MATN2: variants seen among roughly 807,000 people sequenced by gnomAD.
MATN2 encodes the protein matrilin 2.
Under a neutral mutation model 103.2 loss-of-function variants are expected in MATN2, and 69 were observed. The ratio of observed to expected loss-of-function variants is 0.67; its 90% confidence interval spans 0.55 to 0.82. The LOEUF (loss-of-function observed/expected upper bound fraction) is 0.82. MATN2 is among the 40% of genes least tolerant of loss of function. The probability of loss-of-function intolerance (pLI) is 0.00; values close to 1 mark genes in which losing one functional copy is unlikely to be tolerated. For synonymous variants in MATN2, 429 were observed against 450.2 expected (o/e 0.95, Z 0.60); for missense variants, 1,023 against 1,211.5 (o/e 0.84, Z 2.31).
At chr8:98,000,939 G>C (rs1167923989) in intron 7 of MATN2, among the ~76,000 whole-genome samples, 1 of 152,204 alleles carries the variant, frequency 6.6e-6, no homozygotes, top group African/African-American at 2.4e-5. Flanking sequence ...GGTCACAAAA[G>C]ATGACAAAAT....
intron 18 of MATN2, chr8:98,034,233 A>C: frequency 2.2e-6 from 1 of 454,940 alleles, no homozygotes; most frequent in Non-Finnish European, 4.4e-6. Context: ...GAACAGCAGG[A>C]TCCAATGATT....
rs191976899 is a variant in MATN2 at position 97,974,171 on chromosome 8, G to A, written c.959-4715G>A. ...TTTATTTATTTTGAGACAGAATTTC[G>A]CTTGTTGCCCAGGCTGGAGTGCAGT... On this transcript the variant is annotated intron_variant, in intron 5 of 18. Coordinates refer to ENST00000254898, the MANE Select transcript of MATN2 (RefSeq NM_002380.5). Among the ~76,000 whole-genome samples the A allele has an allele frequency of 2.4e-3, 364 of 151,388 alleles. 3 individuals carry two copies. Among genetic ancestry groups the A allele is most frequent in the African/African-American group, 7.2e-3 (299 of 41,258 alleles).
intron 6 of MATN2, among the ~76,000 whole-genome samples, chr8:97,983,619 G>A (rs1700211913): frequency 6.6e-6 from 1 of 152,144 alleles, no homozygotes; most frequent in Admixed American, 6.5e-5. Context: ...GATGAATAAA[G>A]GCAATTGCGG....
At chr8:97,974,603 C>G (rs1044923882) in intron 5 of MATN2, among the ~76,000 whole-genome samples, 1 of 151,298 alleles carries the variant, frequency 6.6e-6, no homozygotes, top group Non-Finnish European at 1.5e-5. Flanking sequence ...CCTGCCACCA[C>G]GCCCAGCTAC....
At chr8:98,034,570 C>T (rs966998925) in intron 18 of MATN2, among the ~76,000 whole-genome samples, 1 of 152,158 alleles carries the variant, frequency 6.6e-6, no homozygotes, top group Non-Finnish European at 1.5e-5. Flanking sequence ...ATTCTGCCCT[C>T]AAGAGGGCAG....
intron 7 of MATN2, among the ~76,000 whole-genome samples, chr8:97,995,127 C>A (rs1034747932): frequency 7.2e-5 from 11 of 152,194 alleles, no homozygotes; most frequent in African/African-American, 1.2e-4. Flanking sequence ...GCCTCAAATG[C>A]CTGTCATCTA....
At chr8:97,965,958 TG>T (rs773087375) in intron 5 of MATN2, among the ~76,000 whole-genome samples, 3 of 152,062 alleles carry the variant, frequency 2.0e-5, no homozygotes, top group Non-Finnish European at 4.4e-5. Context: ...CACTCCAGCC[TG>T]GGCAACAAGA....
intron 5 of MATN2, among the ~76,000 whole-genome samples, chr8:97,961,811 G>A (rs1243437333): frequency 6.6e-6 from 1 of 152,200 alleles, no homozygotes; most frequent in African/African-American, 2.4e-5. Flanking sequence ...AAAAGGATCG[G>A]GTGGATTTTC....
Position 97,914,940 on chromosome 8 carries a change from C to T in MATN2, c.143-16013C>T, listed in dbSNP as rs572151346. ...TCTTCCCCCACCCCCTATCTTGGGA[C>T]TGGTGATCTACTCCAGGCTCTAGTC... On this transcript the variant is annotated intron_variant, in intron 2 of 18. Coordinates refer to ENST00000254898, the MANE Select transcript of MATN2 (RefSeq NM_002380.5). Among the ~76,000 whole-genome samples the T allele has an allele frequency of 6.2e-4, 95 of 152,312 alleles. No individual in the cohort carries two copies. In the South Asian group the frequency reaches 0.019, roughly 30 times the overall value.
At position 98,030,452 on chromosome 8, in the gene MATN2, T is replaced by C. The variant is rs1335267668; in HGVS notation, c.2357-10T>C. The C allele has an allele frequency of 6.2e-7, 1 of 1,609,402 alleles. No homozygotes were observed. Among genetic ancestry groups the C allele is most frequent in the Non-Finnish European group, 8.5e-7 (1 of 1,178,024 alleles). ...TAACTAACTTGCTCTTAATTTTTCCTGCACCCTAGGTATCACTATGTATGC... is the reference window on the plus strand; with the variant it reads ...TAACTAACTTGCTCTTAATTTTTCCCGCACCCTAGGTATCACTATGTATGC... On this transcript the variant is annotated splice_polypyrimidine_tract_variant and intron_variant, in intron 14 of 18. Coordinates refer to ENST00000254898, the MANE Select transcript of MATN2 (RefSeq NM_002380.5).
At position 97,950,206 on chromosome 8, in the gene MATN2, G is replaced by A. The variant is rs180737855; in HGVS notation, c.835+8307G>A. On this transcript the variant is annotated intron_variant, in intron 4 of 18. Coordinates refer to ENST00000254898, the MANE Select transcript of MATN2 (RefSeq NM_002380.5). ...CATTCATTAATCAGAACAAGGTTTC[G>A]GAAGTAAGTAGTGGCGCTGGACCAG... 1.2e-4 allele frequency among the ~76,000 whole-genome samples: 19 copies of A among 152,272 alleles called. No homozygotes were observed. The East Asian group carries it at 2.9e-3, about 23-fold the overall frequency.
chr8:97,996,205 A>T (rs938308655), intron 7 of MATN2, among the ~76,000 whole-genome samples: 2 of 152,194 alleles, frequency 1.3e-5, no homozygotes, highest in Non-Finnish European at 2.9e-5. Context: ...TGGGCGGAGG[A>T]CATTTTCTTG....
rs184617476 is a variant in MATN2 at position 97,890,327 on chromosome 8, T to A, written c.142+2085T>A. Among the ~76,000 whole-genome samples, 535 of 152,180 alleles carry A rather than the reference T, an allele frequency of 3.5e-3. 4 individuals are homozygous for A. The highest frequency in any genetic ancestry group is 0.012 in the African/African-American group (496 of 41,510). ...TAAAAATACAAAAATTAGCTGGGCA[T>A]GGTGGCGGGTGCCTGTAATCCCAGC... On this transcript the variant is annotated intron_variant, in intron 2 of 18. Transcript: ENST00000254898.
rs146855735 is a variant in MATN2, at chr8:97,937,990, C to T, written c.713-3787C>T. On this transcript the variant is annotated intron_variant, in intron 3 of 18. Transcript: ENST00000254898. ...CCTTCAGGTGGTCTATTTCCGGTAG[C>T]CATCCTCTCCCCACGATGCTGCCTG... Among the ~76,000 whole-genome samples the T allele has an allele frequency of 1.1e-4, 16 of 152,258 alleles. No homozygotes were observed. The East Asian group carries it at 3.1e-3, about 29-fold the overall frequency.
At chr8:97,987,182 G>A (rs1161782183) in intron 6 of MATN2, among the ~76,000 whole-genome samples, 1 of 152,044 alleles carries the variant, frequency 6.6e-6, no homozygotes, top group Non-Finnish European at 1.5e-5. Context: ...GCTTTCCATA[G>A]TTGTTGTACT....
chr8:97,909,999 G>A (rs1343243677), intron 2 of MATN2, among the ~76,000 whole-genome samples: 5 of 151,774 alleles, frequency 3.3e-5, no homozygotes, highest in African/African-American at 4.8e-5. Context: ...TAGCCAGGAC[G>A]GTCTTGATCT....
At chr8:97,987,383 T>C (rs68116021) in intron 6 of MATN2, among the ~76,000 whole-genome samples, 35,861 of 151,990 alleles carry the variant, frequency 0.24, 5,750 homozygotes, top group African/African-American at 0.46. Flanking sequence ...CAAACCAACA[T>C]GGCACACATT....
At chr8:97,915,884 C>T (rs1419222204) in intron 2 of MATN2, among the ~76,000 whole-genome samples, 1 of 151,414 alleles carries the variant, frequency 6.6e-6, no homozygotes, top group African/African-American at 2.4e-5. Flanking sequence ...GTGTGTGTGT[C>T]TGTGTGTGTA....
intron 2 of MATN2, among the ~76,000 whole-genome samples, chr8:97,925,300 G>A (rs755873181): frequency 2.6e-5 from 4 of 152,050 alleles, no homozygotes; most frequent in African/African-American, 4.8e-5. Context: ...CCTAAGTTAG[G>A]TTTTCAATCT....
Sources: allele counts gnomAD v4.1 joint callset (sites outside exome capture counted in the v4.1 genomes callset), GRCh38; gene constraint gnomAD v4.1.1; transcripts MANE v1.5; gene names NCBI Gene and HGNC (gene_info 2026-07-23, HGNC 2026-07-21).